ITFG1: variants seen among roughly 807,000 people sequenced by gnomAD.
The protein encoded by ITFG1 is integrin alpha FG-GAP repeat containing 1.
ITFG1 carries 34 observed loss-of-function variants against 81.8 expected under a neutral mutation model. The observed-to-expected ratio is 0.42, with a 90% CI of 0.32 to 0.55. The LOEUF (loss-of-function observed/expected upper bound fraction) is 0.55. Among genes scored for constraint, ITFG1 ranks in the 20% least tolerant of loss-of-function variants. ITFG1 has a pLI of 0.17. For synonymous variants in ITFG1, 285 were observed against 270.6 expected, an observed-to-expected ratio of 1.05 and a Z score of -0.52; for missense variants, 672 against 755.4, an observed-to-expected ratio of 0.89 and a Z score of 1.29.
At chr16:47,351,937 C>G (rs1484442634) in intron 8 of ITFG1, among the ~76,000 whole-genome samples, 1 of 150,502 alleles carries the variant, frequency 6.6e-6, no homozygotes, top group Non-Finnish European at 1.5e-5. Flanking sequence ...ATTTGATAAA[C>G]CTGACAAAAA....
At chr16:47,434,333 T>A (rs1969137603) in intron 5 of ITFG1, among the ~76,000 whole-genome samples, 1 of 150,706 alleles carries the variant, frequency 6.6e-6, no homozygotes, top group Non-Finnish European at 1.5e-5. Flanking sequence ...ATATCCAGTC[T>A]ATAGAACTTA....
intron 10 of ITFG1, among the ~76,000 whole-genome samples, chr16:47,309,930 C>G (rs970137936): frequency 2.6e-5 from 4 of 152,074 alleles, no homozygotes; most frequent in African/African-American, 9.7e-5. Context: ...TGAATAGAGC[C>G]AATGTCTAAA....
chr16:47,380,933 T>C (rs1056295656), intron 6 of ITFG1, among the ~76,000 whole-genome samples: 4 of 152,248 alleles, frequency 2.6e-5, no homozygotes, highest in Admixed American at 1.3e-4. Flanking sequence ...ATTAGATTCA[T>C]TTAACAAGTA....
intron 10 of ITFG1, among the ~76,000 whole-genome samples, chr16:47,284,951 T>C (rs557559742): frequency 7.2e-5 from 11 of 152,348 alleles, no homozygotes; most frequent in African/African-American, 2.4e-4. Flanking sequence ...TATCATGTTA[T>C]AGAAACTTAC....
intron 6 of ITFG1, among the ~76,000 whole-genome samples, chr16:47,410,575 C>T (rs1484829932): frequency 1.3e-5 from 2 of 152,028 alleles, no homozygotes; most frequent in Non-Finnish European, 2.9e-5. Flanking sequence ...GTGACGCAGA[C>T]AACAGGTCTG....
intron 6 of ITFG1, among the ~76,000 whole-genome samples, chr16:47,409,209 G>C (rs970033801): frequency 6.7e-6 from 1 of 149,730 alleles, no homozygotes; most frequent in Non-Finnish European, 1.5e-5. Flanking sequence ...AGTCTCTCGA[G>C]AGAAAAACTA....
chr16:47,359,586 C>T (rs1177256028), intron 8 of ITFG1, among the ~76,000 whole-genome samples: 1 of 152,180 alleles, frequency 6.6e-6, no homozygotes, highest in Non-Finnish European at 1.5e-5. Flanking sequence ...TAACTAGTCC[C>T]CTTGAAGTTT....
At chr16:47,300,384 A>G (rs1460166399) in intron 10 of ITFG1, among the ~76,000 whole-genome samples, 1 of 152,224 alleles carries the variant, frequency 6.6e-6, no homozygotes, top group Admixed American at 6.5e-5. Context: ...CTTGGTCACA[A>G]CGGTGTGTTG....
chr16:47,382,154 C>CA (rs1968403599), intron 6 of ITFG1, among the ~76,000 whole-genome samples: 1 of 151,980 alleles, frequency 6.6e-6, no homozygotes, highest in African/African-American at 2.4e-5. Flanking sequence ...CAGCATGGGT[C>CA]AAAAAAACTC....
intron 6 of ITFG1, among the ~76,000 whole-genome samples, chr16:47,405,686 A>G (rs983621384): frequency 6.6e-6 from 1 of 152,360 alleles, no homozygotes; most frequent in African/African-American, 2.4e-5. Flanking sequence ...TGTGAGGATG[A>G]AAAAGCAAAT....
chr16:47,342,951 A>C (rs576610859), intron 8 of ITFG1, among the ~76,000 whole-genome samples: 7 of 152,098 alleles, frequency 4.6e-5, no homozygotes, highest in Non-Finnish European at 1.0e-4. Context: ...ATGCAATCAC[A>C]CTCAAAATTT....
At chr16:47,211,966 T>A (rs1036474160) in intron 14 of ITFG1, among the ~76,000 whole-genome samples, 1 of 151,852 alleles carries the variant, frequency 6.6e-6, no homozygotes, top group South Asian at 2.1e-4. Context: ...TTACTGTGTA[T>A]CCCAGGCTGG....
At position 47,311,432 on chromosome 16, in the gene ITFG1, G is replaced by T. The variant is rs753724355; in HGVS notation, c.898-20C>A. On this transcript the variant is annotated intron_variant, in intron 9 of 17. Coordinates refer to ENST00000320640, the MANE Select transcript of ITFG1 (RefSeq NM_030790.5). ...AACCCACTATGGATTAAGAGAAAAA[G>T]ATCAGACTTTATAGTTATTTTATAA... 1.9e-6 allele frequency: 3 copies of T among 1,559,458 alleles called. No individual in the cohort carries two copies. The highest frequency in any genetic ancestry group is 2.8e-5 in the African/African-American group (2 of 72,590).
At chr16:47,267,139 C>T (rs1341645827) in intron 10 of ITFG1, among the ~76,000 whole-genome samples, 1 of 152,098 alleles carries the variant, frequency 6.6e-6, no homozygotes, top group Non-Finnish European at 1.5e-5. Context: ...TATGCATATT[C>T]TAAAAACCAT....
chr16:47,390,646 G>A (rs1968518462), intron 6 of ITFG1, among the ~76,000 whole-genome samples: 1 of 152,084 alleles, frequency 6.6e-6, no homozygotes, highest in Non-Finnish European at 1.5e-5. Flanking sequence ...TTTTAGTAGA[G>A]ATGGGGTTTC....
intron 6 of ITFG1, among the ~76,000 whole-genome samples, chr16:47,415,991 G>A (rs1417539391): frequency 1.3e-5 from 2 of 152,208 alleles, no homozygotes; most frequent in South Asian, 2.1e-4. Flanking sequence ...CTACTCAGGG[G>A]GCTGAGGCAG....
chr16:47,164,679 G>T (rs946440968), intron 14 of ITFG1, among the ~76,000 whole-genome samples: 1 of 152,246 alleles, frequency 6.6e-6, no homozygotes, highest in African/African-American at 2.4e-5. Context: ...GATGTTGCCA[G>T]CAGATTACTG....
intron 12 of ITFG1, among the ~76,000 whole-genome samples, chr16:47,244,068 T>G (rs1302881757): frequency 6.6e-6 from 1 of 152,190 alleles, no homozygotes; most frequent in Non-Finnish European, 1.5e-5. Flanking sequence ...TCAGACATAG[T>G]GTTGAGCAAA....
chr16:47,199,084 G>A (rs1965391769), intron 14 of ITFG1, among the ~76,000 whole-genome samples: 1 of 152,224 alleles, frequency 6.6e-6, no homozygotes, highest in Admixed American at 6.5e-5. Context: ...GACCAGCCTA[G>A]GCAACATGGT....
Sources: gnomAD v4.1 joint callset for allele counts (sites outside exome capture counted in the v4.1 genomes callset) on GRCh38, gnomAD v4.1.1 for gene constraint, MANE v1.5 for transcripts, NCBI Gene and HGNC (gene_info 2026-07-23, HGNC 2026-07-21) for gene names.